PI16: variants seen among roughly 807,000 people sequenced by gnomAD.
The protein encoded by PI16 is peptidase inhibitor 16.
A neutral mutation model predicts 38.0 loss-of-function variants in PI16; 35 were observed. The observed-to-expected ratio is 0.92, with a 90% confidence interval of 0.70 to 1.22. The LOEUF is 1.22. Among genes scored for constraint, PI16 ranks in the 50% most tolerant of loss-of-function variants. PI16 has a pLI of 0.00. For missense variants in PI16, 572 were observed against 593.8 expected (o/e 0.96, Z 0.38); for synonymous variants, 275 against 252.9 (o/e 1.09, Z -0.83).
Position 36,961,913 on chromosome 6 carries a change from C to G in PI16, c.531C>G (p.Tyr177Ter), listed in dbSNP as rs200588607. ...PPGNVKGKRP[Y>*]QEGTPCSQCP... ...GGAACGTGAAGGGGAAACGGCCCTACCAGGAGGGGACTCCGTGCTCCCAAT... is the reference window on the plus strand; with the variant it reads ...GGAACGTGAAGGGGAAACGGCCCTAGCAGGAGGGGACTCCGTGCTCCCAAT... The change falls in exon 4 of 7, where the codon TAC becomes TAG. Residue 177 changes from tyrosine to a stop codon, truncating the protein, a stop_gained. Transcript: ENST00000373674. LOFTEE classifies it high-confidence loss of function. 8.7e-6 allele frequency: 14 copies of G among 1,613,984 alleles called. No individual in the cohort carries two copies. Among genetic ancestry groups the G allele is most frequent in the Non-Finnish European group, 1.2e-5 (14 of 1,179,988 alleles).
Position 36,963,518 on chromosome 6 carries a change from C to T in PI16, c.1176C>T (p.His392=). The T allele has an allele frequency of 6.2e-7, 1 of 1,614,172 alleles. No individual in the cohort carries two copies. Among genetic ancestry groups the T allele is most frequent in the Non-Finnish European group, 8.5e-7 (1 of 1,180,030 alleles). ...ELQATLDHTG[H]TSSKSLPNFP... is the part of the protein sequence containing the mutation. ...AGGCCACACTGGACCACACGGGGCA[C>T]ACCTCCTCCAAGTCCCTGCCCAATT... Residue 392 remains histidine (H), a synonymous_variant, in exon 5 of 7, where the codon CAC becomes CAT. Transcript: ENST00000373674.
At chr6:36,956,930 G>A (rs1439250387) in intron 1 of PI16, among the ~76,000 whole-genome samples, 3 of 152,104 alleles carry the variant, frequency 2.0e-5, no homozygotes, top group Non-Finnish European at 4.4e-5. Context: ...CCACCCCGAA[G>A]GTTCAATTGT....
intron 6 of PI16, 149 bp downstream of exon 6, chr6:36,964,111 C>T (rs1450804967): frequency 9.8e-7 from 1 of 1,021,602 alleles, no homozygotes; most frequent in Non-Finnish European, 1.4e-6. Flanking sequence ...GGCCAGCACT[C>T]TTGTCCTCCT....
chr6:36,963,950 A>G lies in PI16; in HGVS notation c.*6A>G. Reference sequence around the variant, plus strand: ...TGTTGGCTGGAATCTTCTGAAGGGGATACCACTCAAAGGCAAGGCCTGGTG... The same window carrying G: ...TGTTGGCTGGAATCTTCTGAAGGGGGTACCACTCAAAGGCAAGGCCTGGTG... On this transcript the variant is annotated 3_prime_UTR_variant, in exon 6 of 7. Coordinates refer to ENST00000373674, the MANE Select transcript of PI16 (RefSeq NM_153370.3). 6.2e-7 allele frequency: 1 copy of G among 1,609,392 alleles called. No individual in the cohort carries two copies. Among genetic ancestry groups the G allele is most frequent in the South Asian group, 1.1e-5 (1 of 90,354 alleles).
At chr6:36,950,789 C>T (rs776512334), upstream of PI16, among the ~76,000 whole-genome samples, 4 of 152,116 alleles carry the variant, frequency 2.6e-5, no homozygotes, top group African/African-American at 7.2e-5. This position sits in a 1 kb window ranked among gnomAD's most constrained non-coding sequence, Gnocchi z 4.2. Context: ...GTGATCCGCC[C>T]GCCTCGGCCT....
chr6:36,959,639 G>A (rs1763302807), intron 2 of PI16, among the ~76,000 whole-genome samples: 2 of 152,186 alleles, frequency 1.3e-5, no homozygotes, highest in Admixed American at 6.5e-5. Flanking sequence ...TTGGGAGGCC[G>A]AGCTGGGAGG....
rs1055941941 is a variant in PI16 at position 36,962,483 on chromosome 6, C to CT, written c.593-444dup. On this transcript the variant is annotated intron_variant, in intron 4 of 6. Transcript: ENST00000373674. This position sits in a 1 kb window ranked among gnomAD's most constrained non-coding sequence, Gnocchi z 4.1. ...TTCTTTTCTTTTCTTTTTTCTTTTTCTTTTTTTTGACGGAGTTTTGCTCTT... is the reference window on the plus strand; with the variant it reads ...TTCTTTTCTTTTCTTTTTTCTTTTTCTTTTTTTTTGACGGAGTTTTGCTCTT... Among the ~76,000 whole-genome samples the CT allele has an allele frequency of 1.1e-4, 16 of 151,418 alleles. No individual in the cohort carries two copies. Among genetic ancestry groups the CT allele is most frequent in the Admixed American group, 5.2e-4 (8 of 15,264 alleles).
rs555021517 is a variant in PI16 at position 36,962,774 on chromosome 6, G to A, written c.593-161G>A. On this transcript the variant is annotated intron_variant, in intron 4 of 6. Coordinates refer to ENST00000373674, the MANE Select transcript of PI16 (RefSeq NM_153370.3). The surrounding 1 kb of genome is among the most constrained non-coding windows in gnomAD (Gnocchi z 4.1). Reference sequence around the variant, plus strand: ...AGACGTGAGCCACCGCGCCCGGCTTGTAACTTTTATTTTCAATGAGGGGCA... The same window carrying A: ...AGACGTGAGCCACCGCGCCCGGCTTATAACTTTTATTTTCAATGAGGGGCA... 6.6e-6 allele frequency among the ~76,000 whole-genome samples: 1 copy of A among 152,278 alleles called. No homozygotes were observed. The highest frequency in any genetic ancestry group is 6.5e-5 in the Admixed American group (1 of 15,300).
chr6:36,961,342 C>A, intron 2 of PI16, 109 bp from the exon 3 acceptor site: 2 of 891,808 alleles, frequency 2.2e-6, no homozygotes, highest in South Asian at 1.4e-5. Context: ...ATGTCACAGG[C>A]TATAGGGTGC....
At chr6:36,951,997 T>C (rs1175971904), upstream of PI16, among the ~76,000 whole-genome samples, 2 of 150,594 alleles carry the variant, frequency 1.3e-5, no homozygotes, top group Admixed American at 6.6e-5. Context: ...CATGGGAAAT[T>C]GTGTCTTTTT....
At chr6:36,951,779 G>A (rs1003052743), upstream of PI16, among the ~76,000 whole-genome samples, 11 of 151,872 alleles carry the variant, frequency 7.2e-5, 1 homozygote, top group South Asian at 4.1e-4. Context: ...CATGTCTGAC[G>A]TCCCAGCCTA....
intron 1 of PI16, among the ~76,000 whole-genome samples, chr6:36,957,041 T>C (rs1216414307): frequency 6.6e-6 from 1 of 152,170 alleles, no homozygotes; most frequent in Non-Finnish European, 1.5e-5. Context: ...GGATAGCCTC[T>C]ACCTGTTCCC....
In PI16 at chr6:36,961,887, G is replaced by A. The variant is rs1394830263; in HGVS notation, c.505G>A (p.Gly169Arg). 6.2e-7 allele frequency: 1 copy of A among 1,613,640 alleles called. No homozygotes were observed. The highest frequency in any genetic ancestry group is 1.3e-5 in the African/African-American group (1 of 74,894). ...ELLVCNYEPP[G>R]NVKGKRPYQE... The stretch of plus-strand genomic sequence containing the variant: ...CAGCATCCTCCTGACCTCCTGTAGG[G>A]GGAACGTGAAGGGGAAACGGCCCTA... Residue 169 changes from glycine to arginine, a missense_variant and splice_region_variant, in exon 4 of 7, where the codon GGG (glycine) becomes AGG (arginine). By Grantham distance (125) the Gly-to-Arg change is moderately radical. Transcript: ENST00000373674.
rs760672072 is a variant in PI16, at chr6:36,958,145, C to T, written c.172-1000C>T. Among the ~76,000 whole-genome samples, 93 of 152,352 alleles carry T rather than the reference C, an allele frequency of 6.1e-4. 1 individual carries two copies. Among genetic ancestry groups the T allele is most frequent in the Middle Eastern group, 3.4e-3 (1 of 294 alleles). On this transcript the variant is annotated intron_variant, in intron 1 of 6. Transcript: ENST00000373674. The stretch of plus-strand genomic sequence containing the variant: ...TAGGTGTGGCCACACAGCCACCTCC[C>T]CTCAGGGTCACCCAAGCTCTTGGCG...
At position 36,963,260 on chromosome 6, in the gene PI16, C is replaced by A. The variant is rs748532188; in HGVS notation, c.918C>A (p.Thr306=). 1.2e-6 allele frequency: 2 copies of A among 1,614,246 alleles called. No individual in the cohort carries two copies. The highest frequency in any genetic ancestry group is 1.7e-6 in the Non-Finnish European group (2 of 1,180,040). ...SLPSLDEEPV[T]FPKSTHVPIP... ...CCTCCTTGGATGAGGAGCCAGTTACCTTCCCCAAATCGACCCATGTTCCTA... is the reference window on the plus strand; with the variant it reads ...CCTCCTTGGATGAGGAGCCAGTTACATTCCCCAAATCGACCCATGTTCCTA... The change falls in exon 5 of 7, where the codon ACC becomes ACA. Residue 306 remains threonine (T), a synonymous_variant. Transcript: ENST00000373674.
chr6:36,961,334 G>A, intron 2 of PI16, 117 bp from the exon 3 acceptor site: 1 of 833,752 alleles, frequency 1.2e-6, no homozygotes, highest in Middle Eastern at 3.3e-4. Context: ...GGACGTGGAT[G>A]TCACAGGCTA....
chr6:36,959,224 G>T lies in PI16; in HGVS notation c.251G>T (p.Arg84Leu), dbSNP rs139393851. 3 of 1,609,668 alleles carry T rather than the reference G, an allele frequency of 1.9e-6. No individual in the cohort carries two copies. In the African/African-American group the frequency reaches 4.0e-5, roughly 21 times the overall value. The change falls in exon 2 of 7, where the codon CGC becomes CTC. Residue 84 changes from arginine (R) to leucine (L), a missense_variant. By Grantham distance (102) the Arg-to-Leu change is moderately radical. Coordinates refer to ENST00000373674, the MANE Select transcript of PI16 (RefSeq NM_153370.3). ...TGGGGCCACAACAAGGAGCGCGGGC[G>T]CCGCGGCGAGAATCTGTTCGCCATC... is the stretch of plus-strand genomic sequence containing the variant. ...CVWGHNKERGRRGENLFAITD... is the reference protein window; with the variant it reads ...CVWGHNKERGLRGENLFAITD...
rs2296934 is a variant in PI16 at position 36,963,386 on chromosome 6, A to T, written c.1044A>T (p.Glu348Asp). 6.2e-7 allele frequency: 1 copy of T among 1,613,720 alleles called. No homozygotes were observed. Among genetic ancestry groups the T allele is most frequent in the African/African-American group, 1.3e-5 (1 of 74,844 alleles). ...DPKMSLTGARELLPHAQEEAE... is the reference protein window; with the variant it reads ...DPKMSLTGARDLLPHAQEEAE... Reference sequence around the variant, plus strand: ...AGATGTCCCTGACAGGGGCAAGGGAACTCCTACCCCATGCCCAGGAGGAGG... The same window carrying T: ...AGATGTCCCTGACAGGGGCAAGGGATCTCCTACCCCATGCCCAGGAGGAGG... The change falls in exon 5 of 7, where the codon GAA (glutamate) becomes GAT (aspartate). Residue 348 changes from glutamate (E) to aspartate (D), a missense_variant. Coordinates refer to ENST00000373674, the MANE Select transcript of PI16 (RefSeq NM_153370.3).
chr6:36,963,839 C>T lies in PI16; in HGVS notation c.1287C>T (p.Asp429=). 6.2e-7 allele frequency: 1 copy of T among 1,602,314 alleles called. No homozygotes were observed. Among genetic ancestry groups the T allele is most frequent in the African/African-American group, 1.3e-5 (1 of 74,438 alleles). The change falls in exon 6 of 7, where the codon GAC becomes GAT. Residue 429 remains aspartate (D), a synonymous_variant. Transcript: ENST00000373674. ...QSSLPGAEGP[D]KPSVVSGLNS... ...TTCCCACAGGTGCAGAGGGCCCTGA[C>T]AAGCCTAGCGTCGTGTCAGGGCTGA...
Sources: allele counts gnomAD v4.1 joint callset (sites outside exome capture counted in the v4.1 genomes callset), GRCh38; gene constraint gnomAD v4.1.1; non-coding constraint Gnocchi (gnomAD v3.1); transcripts MANE v1.5; gene names NCBI Gene and HGNC (gene_info 2026-07-23, HGNC 2026-07-21).